NKAIN1: variants seen among roughly 807,000 people sequenced by gnomAD.
The protein encoded by NKAIN1 is sodium/potassium transporting ATPase interacting 1, also known as sodium/potassium-transporting ATPase subunit beta-1-interacting protein 1.
In NKAIN1, 13 loss-of-function variants were observed where a neutral mutation model predicts 31.6. That is an observed-to-expected ratio of 0.41 (90% CI 0.27 to 0.65). The LOEUF is 0.65. Among genes scored for constraint, NKAIN1 ranks in the 30% least tolerant of loss-of-function variants. NKAIN1 has a pLI of 0.30. For synonymous variants in NKAIN1, 104 were observed against 109.0 expected (o/e 0.95, Z 0.28); for missense variants, 193 against 262.2 (o/e 0.74, Z 1.82).
Position 31,239,867 on chromosome 1 carries a change from G to C in NKAIN1, c.-320C>G, listed in dbSNP as rs1022887140. ...AGCAAGGAGAGCGAGCCCCGAGCGCGGCGCAGCGCAGAGCAGCACTGCCCA... is the reference window on the plus strand; with the variant it reads ...AGCAAGGAGAGCGAGCCCCGAGCGCCGCGCAGCGCAGAGCAGCACTGCCCA... On this transcript the variant is annotated 5_prime_UTR_variant, in exon 1 of 7. Transcript: ENST00000373736. This position sits in a 1 kb window ranked among gnomAD's most constrained non-coding sequence, Gnocchi z 4.8. Among the ~76,000 whole-genome samples, 8 of 152,052 alleles carry C rather than the reference G, an allele frequency of 5.3e-5. No homozygotes were observed. Among genetic ancestry groups the C allele is most frequent in the African/African-American group, 1.7e-4 (7 of 41,444 alleles).
At chr1:31,190,695 C>T (rs532052449) in intron 1 of NKAIN1, among the ~76,000 whole-genome samples, 1 of 152,284 alleles carries the variant, frequency 6.6e-6, no homozygotes, top group East Asian at 1.9e-4. Context: ...TCTCCAAGGG[C>T]CCTTCCAGCC....
At chr1:31,200,680 C>T (rs759942833) in intron 1 of NKAIN1, among the ~76,000 whole-genome samples, 1 of 151,938 alleles carries the variant, frequency 6.6e-6, no homozygotes, top group Non-Finnish European at 1.5e-5. Flanking sequence ...AGGCTGGTCT[C>T]GAACTCCTGA....
chr1:31,231,894 T>A (rs116004407), intron 1 of NKAIN1, among the ~76,000 whole-genome samples: 2,350 of 150,758 alleles, frequency 0.016, 32 homozygotes, highest in Non-Finnish European at 0.024. Flanking sequence ...TGTCTCTCTG[T>A]GCCTGGCTGG....
intron 1 of NKAIN1, among the ~76,000 whole-genome samples, chr1:31,213,246 A>G (rs1211218985): frequency 1.3e-5 from 2 of 152,178 alleles, no homozygotes; most frequent in Non-Finnish European, 2.9e-5. Flanking sequence ...TCACCAGTAA[A>G]TAGATAAATA....
intron 1 of NKAIN1, among the ~76,000 whole-genome samples, chr1:31,219,362 C>T (rs1252034246): frequency 2.0e-5 from 3 of 152,270 alleles, no homozygotes; most frequent in African/African-American, 7.2e-5. Flanking sequence ...GCAGCTGGCG[C>T]TGTCTATGGG....
At chr1:31,190,086 G>A (rs1645273934) in intron 1 of NKAIN1, among the ~76,000 whole-genome samples, 1 of 152,218 alleles carries the variant, frequency 6.6e-6, no homozygotes, top group Non-Finnish European at 1.5e-5. Context: ...AACTACAACA[G>A]AAGAGGAGAG....
At chr1:31,198,212 A>G (rs6677966) in intron 1 of NKAIN1, among the ~76,000 whole-genome samples, 107,485 of 151,910 alleles carry the variant, frequency 0.71, 38,826 homozygotes, top group Middle Eastern at 0.85. Context: ...CTACTACCCC[A>G]TTCTAGAGCA....
At chr1:31,232,769 T>A (rs1645664642) in intron 1 of NKAIN1, among the ~76,000 whole-genome samples, 1 of 152,014 alleles carries the variant, frequency 6.6e-6, no homozygotes, top group South Asian at 2.1e-4. Flanking sequence ...GAGCTGACTA[T>A]CTCTGCTTGG....
At chr1:31,222,458 T>G (rs1557661324) in intron 1 of NKAIN1, among the ~76,000 whole-genome samples, 1 of 152,220 alleles carries the variant, frequency 6.6e-6, no homozygotes, top group African/African-American at 2.4e-5. Flanking sequence ...GGCCAGAGAC[T>G]GTCATCTGCC....
Position 31,239,434 on chromosome 1 carries a change from CT to C in NKAIN1, c.54+59del. On this transcript the variant is annotated intron_variant, in intron 1 of 6. Coordinates refer to ENST00000373736, the MANE Select transcript of NKAIN1 (RefSeq NM_024522.3). The surrounding 1 kb of genome is among the most constrained non-coding windows in gnomAD (Gnocchi z 4.8). ...ACACACGCAACCCCACCCGCACGCC[CT>C]GGGACCGCGCCCCGCCGCGCCCCAC... is the stretch of plus-strand genomic sequence containing the variant. 1 of 1,348,208 alleles carries C rather than the reference CT, an allele frequency of 7.4e-7. No homozygotes were observed. The allele number at this position is 1,348,208 out of a possible 1,614,324, so 83.5% of individuals were successfully genotyped here. A position where few individuals can be genotyped will look rare whatever the true frequency, so the allele number is the denominator to read the frequency against.
In NKAIN1 at chr1:31,239,867, G is replaced by T. The variant is rs1022887140; in HGVS notation, c.-320C>A. Among the ~76,000 whole-genome samples, 1 of 152,052 alleles carries T rather than the reference G, an allele frequency of 6.6e-6. No homozygotes were observed. Among genetic ancestry groups the T allele is most frequent in the Non-Finnish European group, 1.5e-5 (1 of 67,958 alleles). The stretch of plus-strand genomic sequence containing the variant: ...AGCAAGGAGAGCGAGCCCCGAGCGC[G>T]GCGCAGCGCAGAGCAGCACTGCCCA... On this transcript the variant is annotated 5_prime_UTR_variant, in exon 1 of 7. Transcript: ENST00000373736. This position sits in a 1 kb window ranked among gnomAD's most constrained non-coding sequence, Gnocchi z 4.8.
intron 6 of NKAIN1, 24 bp downstream of exon 6, chr1:31,181,836 A>G (rs751236642): frequency 1.9e-6 from 3 of 1,595,298 alleles, no homozygotes; most frequent in Non-Finnish European, 2.6e-6. Context: ...GGCCTCCCCA[A>G]GCCAGCAGGG....
At chr1:31,204,397 C>T (rs2148356701) in intron 1 of NKAIN1, among the ~76,000 whole-genome samples, 1 of 152,252 alleles carries the variant, frequency 6.6e-6, no homozygotes, top group African/African-American at 2.4e-5. Context: ...CCTGAGGTCC[C>T]ACTCTCCCAG....
intron 1 of NKAIN1, among the ~76,000 whole-genome samples, chr1:31,234,082 C>T (rs1425696736): frequency 1.3e-5 from 2 of 152,250 alleles, no homozygotes; most frequent in Non-Finnish European, 2.9e-5. Flanking sequence ...TCCATTCTAC[C>T]CTGCTCCGCC....
chr1:31,214,710 G>GT (rs1645497233), intron 1 of NKAIN1, among the ~76,000 whole-genome samples: 2 of 152,226 alleles, frequency 1.3e-5, no homozygotes, highest in South Asian at 4.1e-4. Context: ...GAAGGAAGAG[G>GT]TAACAGGATA....
chr1:31,229,748 C>T (rs1024955928), intron 1 of NKAIN1, among the ~76,000 whole-genome samples: 7 of 152,092 alleles, frequency 4.6e-5, no homozygotes, highest in Non-Finnish European at 8.8e-5. Context: ...CAGGCCCTGA[C>T]ACTCCATCAG....
At chr1:31,218,763 C>T (rs1645537224) in intron 1 of NKAIN1, among the ~76,000 whole-genome samples, 1 of 152,240 alleles carries the variant, frequency 6.6e-6, no homozygotes, top group Admixed American at 6.5e-5. Context: ...CCAGCCCAGC[C>T]TGTCATAGTC....
intron 1 of NKAIN1, among the ~76,000 whole-genome samples, chr1:31,203,731 C>T (rs12082915): frequency 0.018 from 2,775 of 151,904 alleles, 70 homozygotes; most frequent in African/African-American, 0.063. Context: ...ATTACAGGCA[C>T]CCACCACCAC....
rs546929087 is a variant in NKAIN1 at position 31,185,128 on chromosome 1, G to A, written c.273+119C>T. On this transcript the variant is annotated intron_variant, in intron 3 of 6. Coordinates refer to ENST00000373736, the MANE Select transcript of NKAIN1 (RefSeq NM_024522.3). ...TGGGGCACACAGATTATTTGGGCAT[G>A]TAAGGAGAGAGAGACTTCTTCGAGA... 6.5e-6 allele frequency: 5 copies of A among 764,998 alleles called. No homozygotes were observed. In the Admixed American group the frequency reaches 1.2e-4, roughly 18 times the overall value. 47.4% of individuals were successfully genotyped at this position (764,998 alleles called of 1,614,324 possible).
Sources: gnomAD v4.1 joint callset for allele counts (sites outside exome capture counted in the v4.1 genomes callset) on GRCh38, gnomAD v4.1.1 for gene constraint, Gnocchi (gnomAD v3.1) non-coding constraint, MANE v1.5 for transcripts, NCBI Gene and HGNC (gene_info 2026-07-23, HGNC 2026-07-21) for gene names.